The following ROR1 variants were observed in gnomAD, a reference collection of about 807,000 sequenced individuals.
ROR1 encodes the protein ROR family WNT receptor 1, also known as inactive tyrosine-protein kinase transmembrane receptor ROR1.
In ROR1, 19 loss-of-function variants were observed where a neutral mutation model predicts 78.8. The observed-to-expected ratio is 0.24, with a 90% CI of 0.17 to 0.35. The LOEUF (loss-of-function observed/expected upper bound fraction) is 0.35, where lower values mean the gene tolerates loss of function less well. Ranked by LOEUF, ROR1 falls within the 10% of genes least tolerant of loss-of-function variation. The pLI, the probability that ROR1 is intolerant of heterozygous loss-of-function variation, is 1.00. For missense variants in ROR1, 917 were observed against 1,177.8 expected, an observed-to-expected ratio of 0.78 and a Z score of 3.24; for synonymous variants, 386 against 433.6, an observed-to-expected ratio of 0.89 and a Z score of 1.36.
chr1:63,886,552 G>T (rs1316085921), intron 1 of ROR1, among the ~76,000 whole-genome samples: 1 of 152,104 alleles, frequency 6.6e-6, no homozygotes, highest in Non-Finnish European at 1.5e-5. Flanking sequence ...CACATGGCTG[G>T]TGAGTCAACT....
Position 64,150,200 on chromosome 1 carries a change from A to T in ROR1, c.1174+7550A>T, listed in dbSNP as rs1473918510. ...CTCCCTCTACCAAATAAAAGTTCCA[A>T]GCAGCAGTATTGTTTTTACTCCTAA... is the stretch of plus-strand genomic sequence containing the variant. On this transcript the variant is annotated intron_variant, in intron 7 of 8. Transcript: ENST00000371079. Among the ~76,000 whole-genome samples the T allele has an allele frequency of 1.3e-5, 2 of 152,130 alleles. 1 individual carries two copies. Among genetic ancestry groups the T allele is most frequent in the Non-Finnish European group, 2.9e-5 (2 of 68,048 alleles).
chr1:64,149,093 A>G (rs970565051), intron 7 of ROR1, among the ~76,000 whole-genome samples: 3 of 152,208 alleles, frequency 2.0e-5, no homozygotes, highest in Non-Finnish European at 4.4e-5. Context: ...TGGCATTTTA[A>G]TGATGACTAC....
intron 2 of ROR1, among the ~76,000 whole-genome samples, chr1:64,022,303 C>A (rs1050838494): frequency 6.6e-6 from 1 of 152,094 alleles, no homozygotes; most frequent in African/African-American, 2.4e-5. Context: ...GATCTGTTTT[C>A]CAATTAGATA....
chr1:64,137,612 G>A, intron 5 of ROR1, 116 bp downstream of exon 5: 1 of 964,494 alleles, frequency 1.0e-6, no homozygotes. Flanking sequence ...GTTGGGAGCA[G>A]GACCATAAAA....
intron 1 of ROR1, among the ~76,000 whole-genome samples, chr1:63,869,466 T>G (rs1645237763): frequency 6.6e-6 from 1 of 152,122 alleles, no homozygotes; most frequent in African/African-American, 2.4e-5. Context: ...CTTACTATTT[T>G]TTGTCAGGCC....
At chr1:64,068,379 A>G (rs1482002656) in intron 4 of ROR1, among the ~76,000 whole-genome samples, 2 of 152,094 alleles carry the variant, frequency 1.3e-5, no homozygotes, top group Non-Finnish European at 2.9e-5. Flanking sequence ...CCATCCTTCC[A>G]TTTCAAGAAA....
chr1:63,951,092 G>C (rs1242721094), intron 1 of ROR1, among the ~76,000 whole-genome samples: 2 of 152,186 alleles, frequency 1.3e-5, no homozygotes, highest in African/African-American at 4.8e-5. Context: ...GAAGTAGAAG[G>C]AGCTCTGCAA....
chr1:63,794,244 C>G (rs180736325), intron 1 of ROR1, among the ~76,000 whole-genome samples: 2 of 152,322 alleles, frequency 1.3e-5, no homozygotes, highest in African/African-American at 4.8e-5. Context: ...AATTGGGGTA[C>G]TAATCATATC....
Position 64,177,565 on chromosome 1 carries a change from G to T in ROR1, c.1524G>T (p.Leu508Phe). 2 of 1,614,142 alleles carry T rather than the reference G, an allele frequency of 1.2e-6. No individual in the cohort carries two copies. Among genetic ancestry groups the T allele is most frequent in the Non-Finnish European group, 1.7e-6 (2 of 1,180,028 alleles). Reference protein sequence around the residue: ...DHAQLVAIKTLKDYNNPQQWT... With the variant: ...DHAQLVAIKTFKDYNNPQQWT... The stretch of plus-strand genomic sequence containing the variant: ...CTCAGCTGGTTGCTATCAAGACCTT[G>T]AAAGACTATAACAACCCCCAGCAAT... Residue 508 changes from leucine to phenylalanine, a missense_variant, in exon 9 of 9, where the codon TTG becomes TTT. By Grantham distance (22) the Leu-to-Phe change is conservative. Around this residue, in one of 3 missense-constraint regions of ROR1, gnomAD observed 835 missense variants for 1,069.8 expected, o/e 0.78. Coordinates refer to ENST00000371079, the MANE Select transcript of ROR1 (RefSeq NM_005012.4).
At chr1:64,046,526 T>C (rs1012044354) in intron 2 of ROR1, among the ~76,000 whole-genome samples, 1 of 152,172 alleles carries the variant, frequency 6.6e-6, no homozygotes, top group African/African-American at 2.4e-5. Context: ...GATAGATATT[T>C]TATAGAGCAG....
chr1:63,927,557 T>TAA (rs11344076), intron 1 of ROR1, among the ~76,000 whole-genome samples: 3 of 145,574 alleles, frequency 2.1e-5, no homozygotes. Flanking sequence ...CTCTTTTTCT[T>TAA]AAAAAAAAAA....
intron 1 of ROR1, among the ~76,000 whole-genome samples, chr1:63,859,219 G>A (rs1645165804): frequency 6.6e-6 from 1 of 152,104 alleles, no homozygotes. Flanking sequence ...GGGGGTTTTG[G>A]TGTTGAGCGC....
intron 4 of ROR1, among the ~76,000 whole-genome samples, chr1:64,132,122 T>C (rs1648932290): frequency 1.3e-5 from 2 of 152,208 alleles, no homozygotes; most frequent in East Asian, 3.9e-4. Context: ...ACTTACCTAT[T>C]TTAAATATTT....
intron 4 of ROR1, among the ~76,000 whole-genome samples, chr1:64,116,466 T>G (rs1393732358): frequency 6.6e-6 from 1 of 152,178 alleles, no homozygotes; most frequent in Non-Finnish European, 1.5e-5. Context: ...CCTTTTTAAA[T>G]GAGTATTACC....
chr1:64,025,066 C>A (rs575080060), intron 2 of ROR1, among the ~76,000 whole-genome samples: 3 of 152,058 alleles, frequency 2.0e-5, no homozygotes, highest in Admixed American at 6.6e-5. Context: ...CTTAGAAAAG[C>A]CTTCCATTCT....
chr1:64,123,325 C>G (rs1258810619), intron 4 of ROR1, among the ~76,000 whole-genome samples: 1 of 152,130 alleles, frequency 6.6e-6, no homozygotes, highest in East Asian at 1.9e-4. Flanking sequence ...TGTAAGTTCC[C>G]GGGGTTTTAT....
chr1:63,845,342 A>G (rs1024933643), intron 1 of ROR1, among the ~76,000 whole-genome samples: 1 of 152,210 alleles, frequency 6.6e-6, no homozygotes, highest in African/African-American at 2.4e-5. Context: ...TAACTTTGAA[A>G]TAAAAACTGA....
At chr1:64,078,898 G>A (rs763962355) in intron 4 of ROR1, among the ~76,000 whole-genome samples, 3 of 152,164 alleles carry the variant, frequency 2.0e-5, no homozygotes, top group Non-Finnish European at 4.4e-5. Context: ...TGTTGAGTAC[G>A]ATGATGAGGT....
chr1:63,778,632 C>T (rs989077718), intron 1 of ROR1, among the ~76,000 whole-genome samples: 2 of 152,236 alleles, frequency 1.3e-5, no homozygotes, highest in Admixed American at 6.5e-5. Flanking sequence ...GCAATTTGTA[C>T]AGTTTATTTA....
Sources: gnomAD v4.1 joint callset for allele counts (sites outside exome capture counted in the v4.1 genomes callset) on GRCh38, gnomAD v4.1.1 for gene constraint, gnomAD v4.1.1 regional missense constraint, MANE v1.5 for transcripts, NCBI Gene and HGNC (gene_info 2026-07-23, HGNC 2026-07-21) for gene names.